NUBP1: variants seen among roughly 807,000 people sequenced by gnomAD.
NUBP1 encodes cytosolic Fe-S cluster assembly factor NUBP1.
A neutral mutation model predicts 41.8 loss-of-function variants in NUBP1; 46 were observed. The ratio of observed to expected loss-of-function variants is 1.10; its 90% CI spans 0.87 to 1.41. NUBP1 has a LOEUF of 1.41. Ranked by LOEUF, NUBP1 falls within the 40% of genes most tolerant of loss-of-function variation. The pLI is 0.00. For missense variants in NUBP1, 494 were observed against 414.0 expected (o/e 1.19, Z -1.68); for synonymous variants, 189 against 154.6 (o/e 1.22, Z -1.65).
At chr16:10,747,404 C>A (rs1031017427) in intron 3 of NUBP1, 128 bp downstream of exon 3, 20 of 1,244,132 alleles carry the variant, frequency 1.6e-5, no homozygotes, top group Non-Finnish European at 2.1e-5. Context: ...GAGGCCAAGG[C>A]GGGCAGATCA....
rs779064070 is a variant in NUBP1, at chr16:10,743,914, G to T, written c.19+32G>T. ...TCGCGGAGGGGGCGTGGGTCGCGGG[G>T]CGAAAGTGTCGGGAGCTGCTCTAAC... On this transcript the variant is annotated intron_variant, in intron 1 of 10. Transcript: ENST00000283027. The T allele has an allele frequency of 1.1e-5, 17 of 1,576,750 alleles. No individual in the cohort carries two copies. The East Asian group carries it at 3.0e-4, about 28-fold the overall frequency.
rs904955572 is a variant in NUBP1 at position 10,759,745 on chromosome 16, C to T, written c.607-1619C>T. The stretch of plus-strand genomic sequence containing the variant: ...GAGCCGAGATCGCGCCACTGCACTC[C>T]AGCCTGGGCGACAGAGCAAGACTCT... On this transcript the variant is annotated intron_variant, in intron 7 of 10. Coordinates refer to ENST00000283027, the MANE Select transcript of NUBP1 (RefSeq NM_002484.4). This position sits in a 1 kb window ranked among gnomAD's most constrained non-coding sequence, Gnocchi z 4.7. Among the ~76,000 whole-genome samples the T allele has an allele frequency of 3.3e-5, 5 of 152,158 alleles. No homozygotes were observed. Among genetic ancestry groups the T allele is most frequent in the African/African-American group, 1.2e-4 (5 of 41,440 alleles).
In NUBP1 at chr16:10,765,226, T is replaced by C. The variant is rs1033173657; in HGVS notation, c.821-2723T>C. The stretch of plus-strand genomic sequence containing the variant: ...GAAATCTATATCCTTACCCAAAGTC[T>C]CCTGATACTAAATGATAGCAACTAA... On this transcript the variant is annotated intron_variant, in intron 9 of 10. Coordinates refer to ENST00000283027, the MANE Select transcript of NUBP1 (RefSeq NM_002484.4). The surrounding 1 kb of genome is among the most constrained non-coding windows in gnomAD (Gnocchi z 4.0). 3.4e-5 allele frequency: 5 copies of C among 147,004 alleles called. No homozygotes were observed. Among genetic ancestry groups the C allele is most frequent in the African/African-American group, 1.3e-4 (5 of 39,204 alleles). The allele number at this position is 147,004 out of a possible 1,614,324, so 9.1% of individuals were successfully genotyped here.
At chr16:10,746,316 A>G (rs902640252) in intron 2 of NUBP1, among the ~76,000 whole-genome samples, 2 of 152,202 alleles carry the variant, frequency 1.3e-5, no homozygotes, top group African/African-American at 4.8e-5. Context: ...GAGTTTCTCA[A>G]CCTCAGCACT....
chr16:10,758,315 A>T (rs1163949676), intron 7 of NUBP1, among the ~76,000 whole-genome samples: 1 of 152,076 alleles, frequency 6.6e-6, no homozygotes, highest in Non-Finnish European at 1.5e-5. Flanking sequence ...TACAAAAAAT[A>T]TTTTAAAATT....
chr16:10,752,997 GT>G (rs1386743969), intron 4 of NUBP1, among the ~76,000 whole-genome samples: 2 of 152,102 alleles, frequency 1.3e-5, no homozygotes, highest in Non-Finnish European at 2.9e-5. Context: ...GTTTCACTAC[GT>G]TGGCCAAGCT....
At position 10,749,043 on chromosome 16, in the gene NUBP1, A is replaced by T. The variant is rs973925414; in HGVS notation, c.258+1767A>T. ...GAGGCGGAGGTCGCGGTGGGCCAAG[A>T]TTGCCCTACTGCACTCCAGCCTGGG... is the stretch of plus-strand genomic sequence containing the variant. On this transcript the variant is annotated intron_variant, in intron 3 of 10. Coordinates refer to ENST00000283027, the MANE Select transcript of NUBP1 (RefSeq NM_002484.4). This position sits in a 1 kb window ranked among gnomAD's most constrained non-coding sequence, Gnocchi z 4.1. 6.6e-6 allele frequency among the ~76,000 whole-genome samples: 1 copy of T among 151,390 alleles called. No homozygotes were observed. Among genetic ancestry groups the T allele is most frequent in the African/African-American group, 2.4e-5 (1 of 41,120 alleles).
chr16:10,747,639 A>G (rs1900121796), intron 3 of NUBP1, among the ~76,000 whole-genome samples: 1 of 152,154 alleles, frequency 6.6e-6, no homozygotes, highest in Non-Finnish European at 1.5e-5. Context: ...TCCAAGAAGA[A>G]AAAAAAATGA....
At chr16:10,752,473 T>G in intron 3 of NUBP1, 137 bp from the exon 4 acceptor site, 1 of 673,770 alleles carries the variant, frequency 1.5e-6, no homozygotes, top group South Asian at 1.7e-5. Context: ...CTCAGGAGAA[T>G]CTGATGGCTC....
chr16:10,768,843 G>A lies in NUBP1; in HGVS notation c.905-204G>A, dbSNP rs1318345262. 9.5e-6 allele frequency: 5 copies of A among 523,988 alleles called. No individual in the cohort carries two copies. Among genetic ancestry groups the A allele is most frequent in the African/African-American group, 3.9e-5 (2 of 51,130 alleles). The allele number at this position is 523,988 out of a possible 1,614,324, so 32.5% of individuals were successfully genotyped here. A position where few individuals can be genotyped will look rare whatever the true frequency, so the allele number is the denominator to read the frequency against. ...ATCTATAGATGGTCCGAGGAAGGCC[G>A]CAGCCACTGGTTATGAGCAAGATGG... On this transcript the variant is annotated intron_variant, in intron 10 of 10. Transcript: ENST00000283027. The surrounding 1 kb of genome is among the most constrained non-coding windows in gnomAD (Gnocchi z 4.3).
rs777149995 is a variant in NUBP1 at position 10,749,120 on chromosome 16, G to GACACACACACACAGACACAC, written c.258+1849_258+1850insCACACACAGACACACACACA. Among the ~76,000 whole-genome samples, 1 of 92,340 alleles carries GACACACACACACAGACACAC rather than the reference G, an allele frequency of 1.1e-5. No individual in the cohort carries two copies. Among genetic ancestry groups the GACACACACACACAGACACAC allele is most frequent in the African/African-American group, 3.9e-5 (1 of 25,742 alleles). 60.6% of individuals were successfully genotyped at this position (92,340 alleles called of 152,430 possible). A position where few individuals can be genotyped will look rare whatever the true frequency, so the allele number is the denominator to read the frequency against. ...AAAAAAGGATATAGATAGATACACAGACACATACACACACACACACACACA... is the reference window on the plus strand; with the variant it reads ...AAAAAAGGATATAGATAGATACACAGACACACACACACAGACACACACACATACACACACACACACACACA... On this transcript the variant is annotated intron_variant, in intron 3 of 10. Coordinates refer to ENST00000283027, the MANE Select transcript of NUBP1 (RefSeq NM_002484.4). The surrounding 1 kb of genome is among the most constrained non-coding windows in gnomAD (Gnocchi z 4.1).
chr16:10,761,512 G>C, intron 8 of NUBP1, 38 bp downstream of exon 8: 1 of 1,541,342 alleles, frequency 6.5e-7, no homozygotes, highest in Non-Finnish European at 9.0e-7. Context: ...GCAAGATCTT[G>C]CTCTCATGGA....
chr16:10,767,930 C>T lies in NUBP1; in HGVS notation c.821-19C>T, dbSNP rs1555476740. ...TTTCCTCTTGGACTGAATTGTCTTC[C>T]GTTTGTTTCTTTTTTAAGGTAAGAA... On this transcript the variant is annotated intron_variant, in intron 9 of 10. Coordinates refer to ENST00000283027, the MANE Select transcript of NUBP1 (RefSeq NM_002484.4). This position sits in a 1 kb window ranked among gnomAD's most constrained non-coding sequence, Gnocchi z 4.6. 20 of 1,611,774 alleles carry T rather than the reference C, an allele frequency of 1.2e-5. No homozygotes were observed. Among genetic ancestry groups the T allele is most frequent in the Non-Finnish European group, 1.4e-5 (17 of 1,178,070 alleles).
At chr16:10,746,233 C>T (rs1405164590) in intron 2 of NUBP1, among the ~76,000 whole-genome samples, 3 of 152,126 alleles carry the variant, frequency 2.0e-5, no homozygotes, top group Admixed American at 6.5e-5. Flanking sequence ...CTTTATACCT[C>T]GTGTATTGTT....
At chr16:10,751,647 A>T (rs1900324891) in intron 3 of NUBP1, among the ~76,000 whole-genome samples, 2 of 152,338 alleles carry the variant, frequency 1.3e-5, no homozygotes, top group South Asian at 4.1e-4. Flanking sequence ...AGGCCGTCTC[A>T]GACCTCCTGT....
chr16:10,744,966 C>T (rs934172653), intron 2 of NUBP1, among the ~76,000 whole-genome samples: 3 of 151,678 alleles, frequency 2.0e-5, no homozygotes, highest in Admixed American at 6.6e-5. Flanking sequence ...CCATGTTGAC[C>T]AGGTTGGTCT....
In NUBP1 at chr16:10,743,981, G is replaced by T. The variant is rs758716564; in HGVS notation, c.40G>T (p.Ala14Ser). The T allele has an allele frequency of 6.3e-7, 1 of 1,581,078 alleles. No individual in the cohort carries two copies. The highest frequency in any genetic ancestry group is 1.2e-5 in the South Asian group (1 of 86,498). ...VPHDCPGADSAQAGRGASCQG... is the reference protein window; with the variant it reads ...VPHDCPGADSSQAGRGASCQG... Reference sequence around the variant, plus strand: ...CGCAGACTGTCCAGGGGCCGACAGCGCCCAGGCGGGCAGAGGGGCTTCATG... The same window carrying T: ...CGCAGACTGTCCAGGGGCCGACAGCTCCCAGGCGGGCAGAGGGGCTTCATG... Residue 14 changes from alanine (A) to serine (S), a missense_variant, in exon 2 of 11, where the codon GCC becomes TCC. Transcript: ENST00000283027.
rs543000686 is a variant in NUBP1, at chr16:10,765,606, G to T, written c.821-2343G>T. ...TTGCCATTGTCTGACAGATCAGGAA[G>T]TGACCTTGGGGCTATTAGATCCTGA... is the stretch of plus-strand genomic sequence containing the variant. On this transcript the variant is annotated intron_variant, in intron 9 of 10. Coordinates refer to ENST00000283027, the MANE Select transcript of NUBP1 (RefSeq NM_002484.4). This position sits in a 1 kb window ranked among gnomAD's most constrained non-coding sequence, Gnocchi z 4.0. 2.0e-5 allele frequency among the ~76,000 whole-genome samples: 3 copies of T among 152,332 alleles called. No homozygotes were observed. The South Asian group carries it at 6.2e-4, about 32-fold the overall frequency.
rs777149995 is a variant in NUBP1, at chr16:10,749,120, G to GACACACACACACACACACACACACAC, written c.258+1849_258+1850insCACACACACACACACACACACACACA. On this transcript the variant is annotated intron_variant, in intron 3 of 10. Transcript: ENST00000283027. The surrounding 1 kb of genome is among the most constrained non-coding windows in gnomAD (Gnocchi z 4.1). ...AAAAAAGGATATAGATAGATACACA[G>GACACACACACACACACACACACACAC]ACACATACACACACACACACACACA... Among the ~76,000 whole-genome samples, 7 of 92,378 alleles carry GACACACACACACACACACACACACAC rather than the reference G, an allele frequency of 7.6e-5. No homozygotes were observed. Among genetic ancestry groups the GACACACACACACACACACACACACAC allele is most frequent in the African/African-American group, 2.7e-4 (7 of 25,810 alleles). 60.6% of individuals were successfully genotyped at this position (92,378 alleles called of 152,430 possible). A position where few individuals can be genotyped will look rare whatever the true frequency, so the allele number is the denominator to read the frequency against.
Sources: gnomAD v4.1 joint callset for allele counts (sites outside exome capture counted in the v4.1 genomes callset) on GRCh38, gnomAD v4.1.1 for gene constraint, Gnocchi (gnomAD v3.1) non-coding constraint, MANE v1.5 for transcripts, NCBI Gene and HGNC (gene_info 2026-07-23, HGNC 2026-07-21) for gene names.